The following AMMECR1L variants were observed in gnomAD, a reference collection of about 807,000 sequenced individuals.
AMMECR1L encodes AMMECR1 like.
AMMECR1L carries 4 observed loss-of-function variants against 36.8 expected under a neutral mutation model. The ratio of observed to expected loss-of-function variants is 0.11; its 90% CI spans 0.05 to 0.25. The LOEUF is 0.25. Among genes scored for constraint, AMMECR1L ranks in the 10% least tolerant of loss-of-function variants. AMMECR1L has a pLI of 1.00. For missense variants in AMMECR1L, 232 were observed against 392.1 expected, an observed-to-expected ratio of 0.59 and a Z score of 3.45; for synonymous variants, 147 against 148.0, an observed-to-expected ratio of 0.99 and a Z score of 0.05.
At chr2:127,876,509 T>C (rs1691252375) in intron 2 of AMMECR1L, among the ~76,000 whole-genome samples, 3 of 152,136 alleles carry the variant, frequency 2.0e-5, no homozygotes, top group Admixed American at 2.0e-4. Flanking sequence ...CTCCAATGAC[T>C]ACACTGTTTC....
Position 127,869,646 on chromosome 2 carries a change from G to A in AMMECR1L, c.634-102C>T, listed in dbSNP as rs539971943. On this transcript the variant is annotated intron_variant, in intron 5 of 7. Coordinates refer to ENST00000272647, the MANE Select transcript of AMMECR1L (RefSeq NM_001199140.2). This position sits in a 1 kb window ranked among gnomAD's most constrained non-coding sequence, Gnocchi z 4.7. ...ATTGTTCCCTGACCAGCTTAACACA[G>A]GCCTGGAAAAGGGAGACCTTCTCGC... 427 of 992,520 alleles carry A rather than the reference G, an allele frequency of 4.3e-4. No individual in the cohort carries two copies. Among genetic ancestry groups the A allele is most frequent in the Non-Finnish European group, 6.3e-4 (400 of 637,206 alleles). The allele number at this position is 992,520 out of a possible 1,614,324, so 61.5% of individuals were successfully genotyped here.
intron 5 of AMMECR1L, among the ~76,000 whole-genome samples, chr2:127,870,375 T>C (rs956708371): frequency 2.6e-5 from 4 of 151,434 alleles, no homozygotes; most frequent in Non-Finnish European, 5.9e-5. Context: ...CTTGGGACAC[T>C]GAGGCAGGAG....
chr2:127,865,252 T>C lies in AMMECR1L; in HGVS notation c.822-47A>G. 2 of 1,374,770 alleles carry C rather than the reference T, an allele frequency of 1.5e-6. No homozygotes were observed. Among genetic ancestry groups the C allele is most frequent in the South Asian group, 1.3e-5 (1 of 78,362 alleles). 85.2% of individuals were successfully genotyped at this position (1,374,770 alleles called of 1,614,324 possible). A position where few individuals can be genotyped will look rare whatever the true frequency, so the allele number is the denominator to read the frequency against. Reference sequence around the variant, plus strand: ...GGTATTAGGAACCCCAAACGCTTCATTTTGTAAAGTCACTCAGCAGAGAAA... The same window carrying C: ...GGTATTAGGAACCCCAAACGCTTCACTTTGTAAAGTCACTCAGCAGAGAAA... On this transcript the variant is annotated intron_variant, in intron 7 of 7. Coordinates refer to ENST00000272647, the MANE Select transcript of AMMECR1L (RefSeq NM_001199140.2). The surrounding 1 kb of genome is among the most constrained non-coding windows in gnomAD (Gnocchi z 5.4).
chr2:127,885,207 G>C (rs979273902), intron 1 of AMMECR1L: 4 of 984,936 alleles, frequency 4.1e-6, no homozygotes, highest in Admixed American at 6.2e-5. Context: ...AGGAGGAGGA[G>C]AAAGTGCGCG....
At chr2:127,885,345 G>A in intron 1 of AMMECR1L, 6 of 983,582 alleles carry the variant, frequency 6.1e-6, no homozygotes, top group Non-Finnish European at 7.2e-6. Context: ...TTGGGGAGAC[G>A]ATGGAGCGAC....
Position 127,873,425 on chromosome 2 carries a change from G to A in AMMECR1L, c.407+403C>T, listed in dbSNP as rs1691080025. 2.0e-6 allele frequency: 2 copies of A among 985,318 alleles called. No individual in the cohort carries two copies. The highest frequency in any genetic ancestry group is 2.3e-4 in the East Asian group (2 of 8,812). 61.0% of individuals were successfully genotyped at this position (985,318 alleles called of 1,614,324 possible). ...AACCAAATCGCAGATCCCAGTGAAT[G>A]AGAGCTCCTAGTCTCCAGCCTGGCC... is the stretch of plus-strand genomic sequence containing the variant. On this transcript the variant is annotated intron_variant, in intron 3 of 7. Transcript: ENST00000272647. This position sits in a 1 kb window ranked among gnomAD's most constrained non-coding sequence, Gnocchi z 5.2.
rs900102924 is a variant in AMMECR1L at position 127,884,222 on chromosome 2, T to C, written c.-58A>G. On this transcript the variant is annotated 5_prime_UTR_variant, in exon 2 of 8. Transcript: ENST00000272647. ...ACTCACTGAAAGCAGAAAGTTTGTA[T>C]TGCCAGAGGAACAGCTACAACAGAG... is the stretch of plus-strand genomic sequence containing the variant. 1.3e-5 allele frequency: 2 copies of C among 152,232 alleles called. No homozygotes were observed. The highest frequency in any genetic ancestry group is 2.4e-5 in the African/African-American group (1 of 41,452). The allele number at this position is 152,232 out of a possible 1,614,324, so 9.4% of individuals were successfully genotyped here.
rs1017519579 is a variant in AMMECR1L, at chr2:127,863,516, C to G, written c.*1578G>C. 1 of 152,498 alleles carries G rather than the reference C, an allele frequency of 6.6e-6. No homozygotes were observed. Among genetic ancestry groups the G allele is most frequent in the African/African-American group, 2.4e-5 (1 of 41,446 alleles). The allele number at this position is 152,498 out of a possible 1,614,324, so 9.4% of individuals were successfully genotyped here. The stretch of plus-strand genomic sequence containing the variant: ...TGTGCCCCCACTCCCCTTCCCCATT[C>G]CTGACAGAAGAAAATGCAAAAGATC... On this transcript the variant is annotated 3_prime_UTR_variant, in exon 8 of 8. Coordinates refer to ENST00000272647, the MANE Select transcript of AMMECR1L (RefSeq NM_001199140.2).
chr2:127,872,366 T>A (rs7587364), intron 3 of AMMECR1L, among the ~76,000 whole-genome samples: 13,568 of 151,962 alleles, frequency 0.089, 1,627 homozygotes, highest in African/African-American at 0.26. Flanking sequence ...TTTTATTAGC[T>A]GAGTTGCCAT....
At position 127,869,639 on chromosome 2, in the gene AMMECR1L, T is replaced by C; in HGVS notation, c.634-95A>G. ...AATCAACATTGTTCCCTGACCAGCT[T>C]AACACAGGCCTGGAAAAGGGAGACC... On this transcript the variant is annotated intron_variant, in intron 5 of 7. Transcript: ENST00000272647. The surrounding 1 kb of genome is among the most constrained non-coding windows in gnomAD (Gnocchi z 4.7). The C allele has an allele frequency of 9.6e-7, 1 of 1,044,776 alleles. No individual in the cohort carries two copies. Among genetic ancestry groups the C allele is most frequent in the Non-Finnish European group, 1.5e-6 (1 of 674,958 alleles). The allele number at this position is 1,044,776 out of a possible 1,614,324, so 64.7% of individuals were successfully genotyped here.
At chr2:127,885,393 C>G (rs1047402048) in intron 1 of AMMECR1L, 15 of 972,968 alleles carry the variant, frequency 1.5e-5, no homozygotes, top group African/African-American at 1.8e-5. Flanking sequence ...GGGGTGGAAT[C>G]CAGACGCCGG....
Position 127,869,651 on chromosome 2 carries a change from G to A in AMMECR1L, c.634-107C>T. On this transcript the variant is annotated intron_variant, in intron 5 of 7. Transcript: ENST00000272647. The surrounding 1 kb of genome is among the most constrained non-coding windows in gnomAD (Gnocchi z 4.7). ...TCCCTGACCAGCTTAACACAGGCCT[G>A]GAAAAGGGAGACCTTCTCGCATTTC... 1 of 896,990 alleles carries A rather than the reference G, an allele frequency of 1.1e-6. No individual in the cohort carries two copies. 55.6% of individuals were successfully genotyped at this position (896,990 alleles called of 1,614,324 possible). A position where few individuals can be genotyped will look rare whatever the true frequency, so the allele number is the denominator to read the frequency against.
At position 127,873,322 on chromosome 2, in the gene AMMECR1L, T is replaced by A. The variant is rs980500965; in HGVS notation, c.407+506A>T. The A allele has an allele frequency of 4.1e-6, 4 of 985,348 alleles. No homozygotes were observed. The African/African-American group carries it at 7.0e-5, about 17-fold the overall frequency. 61.0% of individuals were successfully genotyped at this position (985,348 alleles called of 1,614,324 possible). Reference sequence around the variant, plus strand: ...GAACTAAAAATACTGAAGCAGATTCTGACTTCTTGATGGGATGTGAGTGGC... The same window carrying A: ...GAACTAAAAATACTGAAGCAGATTCAGACTTCTTGATGGGATGTGAGTGGC... On this transcript the variant is annotated intron_variant, in intron 3 of 7. Coordinates refer to ENST00000272647, the MANE Select transcript of AMMECR1L (RefSeq NM_001199140.2). This position sits in a 1 kb window ranked among gnomAD's most constrained non-coding sequence, Gnocchi z 5.2.
intron 1 of AMMECR1L, chr2:127,884,653 G>C (rs1210582008): frequency 6.6e-6 from 1 of 152,194 alleles, no homozygotes; most frequent in Non-Finnish European, 1.5e-5. Flanking sequence ...GGCCAGAAGA[G>C]ACCATTTAAA....
At chr2:127,879,086 T>C (rs1465974767) in intron 2 of AMMECR1L, among the ~76,000 whole-genome samples, 3 of 152,214 alleles carry the variant, frequency 2.0e-5, no homozygotes, top group Admixed American at 6.5e-5. Flanking sequence ...CTCTATGGAA[T>C]TATTTAAGGC....
intron 5 of AMMECR1L, among the ~76,000 whole-genome samples, chr2:127,870,021 A>G (rs1690886425): frequency 1.3e-5 from 2 of 152,302 alleles, no homozygotes; most frequent in South Asian, 4.1e-4. Context: ...TGTCTCTACT[A>G]AAAAAATACA....
At chr2:127,870,539 T>G (rs1276874535) in intron 5 of AMMECR1L, among the ~76,000 whole-genome samples, 3 of 151,938 alleles carry the variant, frequency 2.0e-5, no homozygotes, top group Non-Finnish European at 1.5e-5. Flanking sequence ...TCTGGAATAT[T>G]TTCTTTTACC....
intron 6 of AMMECR1L, chr2:127,867,357 A>T (rs1690736770): frequency 6.3e-6 from 6 of 957,558 alleles, no homozygotes; most frequent in African/African-American, 1.8e-5. Flanking sequence ...GTGGGAAGAG[A>T]GGAATTTAAA....
chr2:127,884,570 T>C (rs934836520), intron 1 of AMMECR1L, among the ~76,000 whole-genome samples: 3 of 152,326 alleles, frequency 2.0e-5, no homozygotes, highest in Non-Finnish European at 2.9e-5. Context: ...TCAAAGGTTT[T>C]ATTTATTGAA....
Sources: allele counts gnomAD v4.1 joint callset (sites outside exome capture counted in the v4.1 genomes callset), GRCh38; gene constraint gnomAD v4.1.1; non-coding constraint Gnocchi (gnomAD v3.1); transcripts MANE v1.5; gene names NCBI Gene and HGNC (gene_info 2026-07-23, HGNC 2026-07-21).